Variants in PLEKHM3 observed in about 807,000 individuals in gnomAD.
The protein encoded by PLEKHM3 is pleckstrin homology domain-containing family M member 3.
In PLEKHM3, 45 loss-of-function variants were observed where a neutral mutation model predicts 81.8. The observed-to-expected ratio is 0.55, with a 90% CI of 0.43 to 0.71. PLEKHM3 has a LOEUF of 0.71. PLEKHM3 is among the 30% of genes least tolerant of loss of function. PLEKHM3 has a pLI of 0.00. For missense variants in PLEKHM3, 788 were observed against 924.3 expected, an observed-to-expected ratio of 0.85 and a Z score of 1.91; for synonymous variants, 352 against 356.4, an observed-to-expected ratio of 0.99 and a Z score of 0.14.
At chr2:208,016,670 T>TACACACACACACACACACACACACGC (rs1692930576) in intron 1 of PLEKHM3, among the ~76,000 whole-genome samples, 1 of 65,066 alleles carries the variant, frequency 1.5e-5, no homozygotes, top group Non-Finnish European at 3.3e-5. Flanking sequence ...AAAAAAAAAA[T>TACACACACACACACACACACACACGC]ACACACACAC....
intron 6 of PLEKHM3, among the ~76,000 whole-genome samples, chr2:207,882,223 CTTT>C (rs1033074820): frequency 1.3e-5 from 2 of 152,108 alleles, no homozygotes; most frequent in African/African-American, 4.8e-5. Context: ...AGCTTTTTTT[CTTT>C]ATTGCTTAGT....
At chr2:207,926,430 C>T (rs909629033) in intron 5 of PLEKHM3, among the ~76,000 whole-genome samples, 20 of 152,134 alleles carry the variant, frequency 1.3e-4, no homozygotes, top group African/African-American at 4.8e-4. Flanking sequence ...TCCTGCTGTT[C>T]CTGTGTTCAG....
At chr2:207,865,838 A>ATT (rs1553546040) in intron 6 of PLEKHM3, among the ~76,000 whole-genome samples, 11 of 108,608 alleles carry the variant, frequency 1.0e-4, no homozygotes, top group African/African-American at 3.8e-4. Context: ...ATATATATAT[A>ATT]CTTTCTGTCT....
At chr2:207,962,355 G>A (rs1017333151) in intron 3 of PLEKHM3, among the ~76,000 whole-genome samples, 2 of 152,210 alleles carry the variant, frequency 1.3e-5, no homozygotes, top group African/African-American at 4.8e-5. Context: ...ACAATTTGAT[G>A]GGAAGGTGAT....
In PLEKHM3 at chr2:207,875,514, G is replaced by A. The variant is rs148664602; in HGVS notation, c.1951-14252C>T. ...GGACTGGCAATATTTATTGAACTGC[G>A]AAGCATGCATACCCTTTGACCTAGC... On this transcript the variant is annotated intron_variant, in intron 6 of 7. Coordinates refer to ENST00000427836, the MANE Select transcript of PLEKHM3 (RefSeq NM_001080475.3). Among the ~76,000 whole-genome samples the A allele has an allele frequency of 3.9e-3, 596 of 152,296 alleles. 8 individuals are homozygous for A. The highest frequency in any genetic ancestry group is 0.012 in the African/African-American group (495 of 41,574).
chr2:208,016,668 A>AT (rs11436592), intron 1 of PLEKHM3, among the ~76,000 whole-genome samples: 1,327 of 61,680 alleles, frequency 0.022, 11 homozygotes, highest in Middle Eastern at 0.045. Context: ...AAAAAAAAAA[A>AT]ATACACACAC....
chr2:207,900,251 A>C (rs536546423), intron 6 of PLEKHM3: 2 of 152,322 alleles, frequency 1.3e-5, no homozygotes, highest in Admixed American at 1.3e-4. Context: ...GCTGCCAGCT[A>C]GAACAACTAC....
intron 1 of PLEKHM3, among the ~76,000 whole-genome samples, chr2:208,013,848 G>C (rs191424597): frequency 6.6e-6 from 1 of 152,238 alleles, no homozygotes; most frequent in Admixed American, 6.5e-5. Flanking sequence ...AACAACAACC[G>C]GCTTATGGCT....
intron 2 of PLEKHM3, among the ~76,000 whole-genome samples, chr2:207,978,157 ACGTGCAACATCAACGGAG>A (rs74631111): frequency 0.099 from 15,107 of 152,010 alleles, 913 homozygotes; most frequent in Non-Finnish European, 0.13. Context: ...GGGGCATGGA[ACGTGCAACATCAACGGAG>A]CGTGCAACAT....
intron 7 of PLEKHM3, among the ~76,000 whole-genome samples, chr2:207,854,939 C>T (rs2092430212): frequency 6.6e-6 from 1 of 152,110 alleles, no homozygotes; most frequent in Non-Finnish European, 1.5e-5. Context: ...CTTGAAGATA[C>T]AGATTCTGGA....
At position 208,001,510 on chromosome 2, in the gene PLEKHM3, C is replaced by A. The variant is rs1308024426; in HGVS notation, c.130G>T (p.Glu44Ter). ...AEVYGIQEVP[E>*]LVGHEVLSNI... The stretch of plus-strand genomic sequence containing the variant: ...CTGAGTACCTCATGCCCCACCAGTT[C>A]AGGGACTTCCTGGATCCCATAAACC... Residue 44 changes from glutamate (E) to a stop codon, truncating the protein, a stop_gained, in exon 2 of 8, where the codon GAA (glutamate) becomes TAA (stop). Coordinates refer to ENST00000427836, the MANE Select transcript of PLEKHM3 (RefSeq NM_001080475.3). LOFTEE classifies it high-confidence loss of function. 1 of 1,614,188 alleles carries A rather than the reference C, an allele frequency of 6.2e-7. No homozygotes were observed. Among genetic ancestry groups the A allele is most frequent in the African/African-American group, 1.3e-5 (1 of 75,056 alleles).
intron 2 of PLEKHM3, among the ~76,000 whole-genome samples, chr2:207,985,104 C>T (rs1043636200): frequency 1.3e-5 from 2 of 151,966 alleles, no homozygotes; most frequent in African/African-American, 4.8e-5. Context: ...TCCTCAGGAA[C>T]CCCTCACACA....
intron 7 of PLEKHM3, among the ~76,000 whole-genome samples, chr2:207,841,463 AAAAAAAAAAAAAAAAAAATAT>A (rs1559203115): frequency 3.0e-5 from 2 of 67,378 alleles, no homozygotes; most frequent in African/African-American, 1.5e-4. Flanking sequence ...AAAAAAAAAA[AAAAAAAAAAAAAAAAAAATAT>A]ATATATATAT....
At chr2:207,833,507 T>G (rs2092300352) in intron 7 of PLEKHM3, among the ~76,000 whole-genome samples, 1 of 152,148 alleles carries the variant, frequency 6.6e-6, no homozygotes, top group African/African-American at 2.4e-5. Context: ...TTTTTTTTTC[T>G]TGAAAACATT....
intron 7 of PLEKHM3, among the ~76,000 whole-genome samples, chr2:207,850,097 T>C (rs748170500): frequency 4.8e-4 from 73 of 152,192 alleles, no homozygotes; most frequent in Non-Finnish European, 8.7e-4. Context: ...ACTCGCTTTC[T>C]AGCAACCCCC....
chr2:207,932,969 A>G (rs1689640592), intron 4 of PLEKHM3, among the ~76,000 whole-genome samples: 1 of 152,228 alleles, frequency 6.6e-6, no homozygotes, highest in South Asian at 2.1e-4. Flanking sequence ...AGCTTATACC[A>G]AAGTTTATGT....
chr2:208,008,628 A>T (rs1302694103), intron 1 of PLEKHM3, among the ~76,000 whole-genome samples: 1 of 151,910 alleles, frequency 6.6e-6, no homozygotes, highest in Non-Finnish European at 1.5e-5. Flanking sequence ...CCACCAAGGG[A>T]CCTCCTTGTT....
Position 207,823,962 on chromosome 2 carries a change from C to T in PLEKHM3, c.*4357G>A, listed in dbSNP as rs987624773. ...ACTACTGGGTGCTAGACTTAACTGT[C>T]GAAACACCGTTCCACATGACAGAAA... On this transcript the variant is annotated 3_prime_UTR_variant, in exon 8 of 8. Transcript: ENST00000427836. The T allele has an allele frequency of 2.0e-5, 3 of 152,206 alleles. No individual in the cohort carries two copies. The highest frequency in any genetic ancestry group is 2.9e-5 in the Non-Finnish European group (2 of 68,040). 9.4% of individuals were successfully genotyped at this position (152,206 alleles called of 1,614,324 possible). A position where few individuals can be genotyped will look rare whatever the true frequency, so the allele number is the denominator to read the frequency against.
chr2:208,006,622 G>T (rs188231972), intron 1 of PLEKHM3, among the ~76,000 whole-genome samples: 2 of 152,286 alleles, frequency 1.3e-5, no homozygotes. Flanking sequence ...ACATAATTAT[G>T]GAGCACTCCA....
Sources: gnomAD v4.1 joint callset for allele counts (sites outside exome capture counted in the v4.1 genomes callset) on GRCh38, gnomAD v4.1.1 for gene constraint, MANE v1.5 for transcripts, NCBI Gene and HGNC (gene_info 2026-07-23, HGNC 2026-07-21) for gene names.